KCNIP4: variants seen among roughly 807,000 people sequenced by gnomAD.
KCNIP4 encodes the protein potassium voltage-gated channel interacting protein 4.
A neutral mutation model predicts 34.0 loss-of-function variants in KCNIP4; 12 were observed. That is an observed-to-expected ratio of 0.35 (90% CI 0.23 to 0.57). KCNIP4 has a LOEUF of 0.57. Ranked by LOEUF, KCNIP4 falls within the 20% of genes least tolerant of loss-of-function variation. The pLI, the probability that KCNIP4 is intolerant of heterozygous loss-of-function variation, is 0.83. For missense variants in KCNIP4, 238 were observed against 311.7 expected (o/e 0.76, Z 1.78); for synonymous variants, 124 against 102.2 (o/e 1.21, Z -1.29).
At chr4:21,606,210 T>G (rs1352649378) in intron 1 of KCNIP4, among the ~76,000 whole-genome samples, 1 of 152,120 alleles carries the variant, frequency 6.6e-6, no homozygotes, top group Non-Finnish European at 1.5e-5. Flanking sequence ...AATTTCTAAA[T>G]AGTGATAATT....
At chr4:20,926,108 A>G (rs1729876118) in intron 1 of KCNIP4, among the ~76,000 whole-genome samples, 1 of 152,214 alleles carries the variant, frequency 6.6e-6, no homozygotes, top group African/African-American at 2.4e-5. Context: ...AATTACCCTT[A>G]TCAGACAGCA....
Position 20,987,474 on chromosome 4 carries a change from C to G in KCNIP4, c.62-104765G>C, listed in dbSNP as rs1297228330. On this transcript the variant is annotated intron_variant, in intron 1 of 8. Coordinates refer to ENST00000382152, the MANE Select transcript of KCNIP4 (RefSeq NM_025221.6). Reference sequence around the variant, plus strand: ...CATTGATTCTAAGCCAGGCACCATACTATGTAGTTTACATGTATAAATTAG... The same window carrying G: ...CATTGATTCTAAGCCAGGCACCATAGTATGTAGTTTACATGTATAAATTAG... Among the ~76,000 whole-genome samples, 6 of 152,140 alleles carry G rather than the reference C, an allele frequency of 3.9e-5. No homozygotes were observed. The East Asian group carries it at 1.2e-3, about 29-fold the overall frequency.
chr4:20,869,516 C>T (rs1283061167), intron 2 of KCNIP4, among the ~76,000 whole-genome samples: 2 of 151,962 alleles, frequency 1.3e-5, no homozygotes, highest in Non-Finnish European at 2.9e-5. Context: ...TTACCTTCAA[C>T]ACTAGGAGCA....
At chr4:21,112,309 G>C (rs59416831) in intron 1 of KCNIP4, among the ~76,000 whole-genome samples, 21,719 of 152,034 alleles carry the variant, frequency 0.14, 1,754 homozygotes, top group East Asian at 0.23. Context: ...TTGGACTTTT[G>C]GGTCTTGATG....
intron 1 of KCNIP4, among the ~76,000 whole-genome samples, chr4:21,014,267 A>G (rs1437429069): frequency 2.0e-5 from 3 of 152,168 alleles, no homozygotes; most frequent in African/African-American, 7.2e-5. Flanking sequence ...AAGTCATACT[A>G]AAAACTTAGG....
At chr4:21,714,785 G>GATGATTTCATTTT (rs1553923853) in intron 1 of KCNIP4, among the ~76,000 whole-genome samples, 1 of 43,388 alleles carries the variant, frequency 2.3e-5, no homozygotes, top group African/African-American at 2.0e-4. Flanking sequence ...ATTTCCCTTT[G>GATGATTTCATTTT]ATTATTTTAT....
intron 1 of KCNIP4, among the ~76,000 whole-genome samples, chr4:21,247,871 C>A (rs968178845): frequency 2.9e-5 from 4 of 138,882 alleles, no homozygotes; most frequent in Non-Finnish European, 6.1e-5. Flanking sequence ...TATATACACA[C>A]ACACACACAC....
At chr4:21,102,758 A>G (rs757940111) in intron 1 of KCNIP4, among the ~76,000 whole-genome samples, 5 of 152,214 alleles carry the variant, frequency 3.3e-5, no homozygotes, top group Admixed American at 6.5e-5. Context: ...GGCTGTAAAC[A>G]AAGCTGCCTT....
intron 1 of KCNIP4, among the ~76,000 whole-genome samples, chr4:21,442,219 G>T (rs1355289427): frequency 6.6e-6 from 1 of 152,108 alleles, no homozygotes; most frequent in African/African-American, 2.4e-5. Flanking sequence ...CAGGCTTGCA[G>T]AGATTCGCCA....
intron 1 of KCNIP4, among the ~76,000 whole-genome samples, chr4:20,952,561 A>G (rs1248174243): frequency 2.0e-5 from 3 of 152,232 alleles, no homozygotes; most frequent in Admixed American, 6.5e-5. Context: ...TGTAAGGTTG[A>G]GAAATATTAA....
chr4:20,950,626 C>T (rs1402556525), intron 1 of KCNIP4, among the ~76,000 whole-genome samples: 2 of 151,958 alleles, frequency 1.3e-5, no homozygotes, highest in Admixed American at 1.3e-4. Context: ...CCATTAAAGG[C>T]TTTTCCCCCT....
chr4:21,636,302 A>G (rs1044497190), intron 1 of KCNIP4, among the ~76,000 whole-genome samples: 21 of 133,740 alleles, frequency 1.6e-4, no homozygotes, highest in South Asian at 7.1e-4. Context: ...AAAAAAAAGG[A>G]AAAAAAAAAA....
intron 1 of KCNIP4, among the ~76,000 whole-genome samples, chr4:21,712,873 G>C (rs1713852198): frequency 6.6e-6 from 1 of 152,124 alleles, no homozygotes; most frequent in Non-Finnish European, 1.5e-5. Flanking sequence ...CAGGATATAA[G>C]ATTGCATGGG....
intron 1 of KCNIP4, among the ~76,000 whole-genome samples, chr4:21,457,361 C>G (rs1729042681): frequency 6.6e-6 from 1 of 151,890 alleles, no homozygotes; most frequent in South Asian, 2.1e-4. Flanking sequence ...TTTTAGCGTG[C>G]CAGCTCTGTT....
intron 1 of KCNIP4, among the ~76,000 whole-genome samples, chr4:21,514,870 G>A (rs1734629941): frequency 6.6e-6 from 1 of 152,070 alleles, no homozygotes; most frequent in South Asian, 2.1e-4. Flanking sequence ...CATCTTCTGG[G>A]GGAGATGTGT....
intron 1 of KCNIP4, among the ~76,000 whole-genome samples, chr4:21,031,381 T>G (rs906460293): frequency 6.6e-6 from 1 of 152,224 alleles, no homozygotes; most frequent in African/African-American, 2.4e-5. Flanking sequence ...TAGAGAGATG[T>G]TAAATAATTT....
At chr4:21,437,205 C>T (rs1259425945) in intron 1 of KCNIP4, among the ~76,000 whole-genome samples, 2 of 152,174 alleles carry the variant, frequency 1.3e-5, no homozygotes, top group African/African-American at 4.8e-5. Flanking sequence ...GACTGTTTCA[C>T]TATGCCTCTC....
At chr4:20,891,378 G>A (rs999640878) in intron 1 of KCNIP4, among the ~76,000 whole-genome samples, 9 of 152,184 alleles carry the variant, frequency 5.9e-5, no homozygotes, top group South Asian at 2.1e-4. Flanking sequence ...AGTCCGAGGC[G>A]GGCTGATCAC....
intron 1 of KCNIP4, among the ~76,000 whole-genome samples, chr4:21,889,071 G>A (rs546318775): frequency 1.5e-4 from 23 of 152,130 alleles, no homozygotes; most frequent in African/African-American, 4.8e-4. Flanking sequence ...GTATTTATAC[G>A]TGAATGAGTG....
Sources: allele counts gnomAD v4.1 joint callset (sites outside exome capture counted in the v4.1 genomes callset), GRCh38; gene constraint gnomAD v4.1.1; transcripts MANE v1.5; gene names NCBI Gene and HGNC (gene_info 2026-07-23, HGNC 2026-07-21).